Variants in ZNF462 observed in about 807,000 individuals in gnomAD.
The protein encoded by ZNF462 is zinc finger PBX1-interacting protein.
A neutral mutation model predicts 201.9 loss-of-function variants in ZNF462; 10 were observed. The ratio of observed to expected loss-of-function variants is 0.05; its 90% CI spans 0.03 to 0.08. The LOEUF is 0.08. ZNF462 is among the 10% of genes least tolerant of loss of function. The pLI, the probability that ZNF462 is intolerant of heterozygous loss-of-function variation, is 1.00. For missense variants in ZNF462, 2,523 were observed against 3,168.3 expected, an observed-to-expected ratio of 0.80 and a Z score of 4.89; for synonymous variants, 1,227 against 1,193.3, an observed-to-expected ratio of 1.03 and a Z score of -0.58.
At chr9:106,999,459 G>A (rs1220194987) in intron 10 of ZNF462, among the ~76,000 whole-genome samples, 2 of 152,128 alleles carry the variant, frequency 1.3e-5, no homozygotes, top group Admixed American at 1.3e-4. Context: ...TGACAAACAT[G>A]TTTAATAGTG....
Position 106,925,083 on chromosome 9 carries a change from G to A in ZNF462, c.1171G>A (p.Glu391Lys). ...GCTAAATGACTCTAGTTCTGATGAA[G>A]AGTTAAATGAAATAGACAGTGAGAA... ...SMLNDSSSDE[E>K]LNEIDSENGL... is the part of the protein sequence containing the mutation. Residue 391 changes from glutamate (E) to lysine (K), a missense_variant, in exon 3 of 13, where the codon GAG becomes AAG. Glu to Lys is a moderately conservative substitution (Grantham distance 56, BLOSUM62 1). Transcript: ENST00000277225. The surrounding 1 kb of genome is among the most constrained non-coding windows in gnomAD (Gnocchi z 7.9). 6.2e-7 allele frequency: 1 copy of A among 1,614,188 alleles called. No homozygotes were observed. The highest frequency in any genetic ancestry group is 8.5e-7 in the Non-Finnish European group (1 of 1,180,040).
chr9:106,875,181 T>C (rs968209611), intron 1 of ZNF462, among the ~76,000 whole-genome samples: 1 of 152,178 alleles, frequency 6.6e-6, no homozygotes, highest in Non-Finnish European at 1.5e-5. Flanking sequence ...TTGCCCCCTT[T>C]CCATGATCTT....
rs749416698 is a variant in ZNF462 at position 106,927,202 on chromosome 9, G to T, written c.3290G>T (p.Gly1097Val). ...ATGTCTCCCAAAATGTCCAACATGG[G>T]TTCCCCACCCCCCCCACAACCCCCG... is the stretch of plus-strand genomic sequence containing the variant. ...APMSPKMSNM[G>V]SPPPPQPPPP... Residue 1097 changes from glycine to valine, a missense_variant, in exon 3 of 13, where the codon GGT becomes GTT. Physicochemically the swap from Gly to Val is moderately radical, Grantham distance 109. This residue lies in a region of ZNF462 where 280 missense variants were observed against 321.3 expected (regional missense o/e 0.87). Transcript: ENST00000277225. 1.0e-4 allele frequency: 163 copies of T among 1,611,730 alleles called. 2 individuals are homozygous for T. The South Asian group carries it at 1.1e-3, about 11-fold the overall frequency.
At chr9:106,940,603 C>G (rs1327006516) in intron 7 of ZNF462, among the ~76,000 whole-genome samples, 2 of 152,160 alleles carry the variant, frequency 1.3e-5, no homozygotes, top group East Asian at 3.8e-4. Context: ...TAGTGTTCAA[C>G]ACTATAGCTC....
rs562185285 is a variant in ZNF462, at chr9:106,992,754, A to T, written c.7056+8345A>T. On this transcript the variant is annotated intron_variant, in intron 10 of 12. Transcript: ENST00000277225. ...CAGGGATTGATTACAAAGGATATGA[A>T]GGAGCTTCTCAGAGTGATGAGAGTG... Among the ~76,000 whole-genome samples the T allele has an allele frequency of 9.9e-5, 15 of 152,228 alleles. No homozygotes were observed. The South Asian group carries it at 2.7e-3, about 27-fold the overall frequency.
rs1207863552 is a variant in ZNF462 at position 106,962,844 on chromosome 9, CT to C, written c.6428-9160del. 6.6e-6 allele frequency among the ~76,000 whole-genome samples: 1 copy of C among 151,954 alleles called. No individual in the cohort carries two copies. The highest frequency in any genetic ancestry group is 1.5e-5 in the Non-Finnish European group (1 of 67,942). On this transcript the variant is annotated intron_variant, in intron 7 of 12. Coordinates refer to ENST00000277225, the MANE Select transcript of ZNF462 (RefSeq NM_021224.6). The surrounding 1 kb of genome is among the most constrained non-coding windows in gnomAD (Gnocchi z 4.6). ...TAGTCATCCAGCATCCATTGTCCCC[CT>C]GGCCATTGTATCATAATCTTGTGCG... is the stretch of plus-strand genomic sequence containing the variant.
Position 106,968,805 on chromosome 9 carries a change from C to T in ZNF462, c.6428-3200C>T, listed in dbSNP as rs1260853972. Among the ~76,000 whole-genome samples the T allele has an allele frequency of 6.6e-6, 1 of 152,206 alleles. No homozygotes were observed. Among genetic ancestry groups the T allele is most frequent in the Non-Finnish European group, 1.5e-5 (1 of 68,028 alleles). Reference sequence around the variant, plus strand: ...CAAGGATATTTTTAACCTTTCTTTCCTTAAGCTCAAAATGAAAGAAAATAG... The same window carrying T: ...CAAGGATATTTTTAACCTTTCTTTCTTTAAGCTCAAAATGAAAGAAAATAG... On this transcript the variant is annotated intron_variant, in intron 7 of 12. Coordinates refer to ENST00000277225, the MANE Select transcript of ZNF462 (RefSeq NM_021224.6). This position sits in a 1 kb window ranked among gnomAD's most constrained non-coding sequence, Gnocchi z 4.0.
At chr9:106,901,035 C>G (rs992373925) in intron 1 of ZNF462, among the ~76,000 whole-genome samples, 1 of 152,110 alleles carries the variant, frequency 6.6e-6, no homozygotes, top group African/African-American at 2.4e-5. Flanking sequence ...AGATTTAAGT[C>G]TTTAATCCAT....
intron 1 of ZNF462, 51 bp downstream of exon 1, chr9:106,863,406 G>A (rs2130734763): frequency 2.6e-6 from 1 of 389,278 alleles, no homozygotes; most frequent in East Asian, 3.6e-5. Context: ...GTGCTCCGGG[G>A]AAGAGAGCGC....
At position 106,885,018 on chromosome 9, in the gene ZNF462, A is replaced by T. The variant is rs893208309; in HGVS notation, c.-31+21663A>T. 3.9e-5 allele frequency among the ~76,000 whole-genome samples: 6 copies of T among 152,244 alleles called. No homozygotes were observed. Among genetic ancestry groups the T allele is most frequent in the Non-Finnish European group, 5.9e-5 (4 of 68,028 alleles). ...GATAAGAAGTAACTTGGAGAGGTTA[A>T]GATTCTGCTTCAAAGCAATGTATGT... On this transcript the variant is annotated intron_variant, in intron 1 of 12. Transcript: ENST00000277225. The surrounding 1 kb of genome is among the most constrained non-coding windows in gnomAD (Gnocchi z 4.1).
At chr9:106,922,278 C>T (rs928496969) in intron 1 of ZNF462, among the ~76,000 whole-genome samples, 2 of 152,170 alleles carry the variant, frequency 1.3e-5, no homozygotes, top group African/African-American at 4.8e-5. Flanking sequence ...GGTATCTCAA[C>T]TTAGGATATA....
chr9:106,941,792 G>A (rs775360304), intron 7 of ZNF462, among the ~76,000 whole-genome samples: 6 of 152,228 alleles, frequency 3.9e-5, no homozygotes, highest in Non-Finnish European at 8.8e-5. Context: ...TATAGATTTT[G>A]TATAGTTTTG....
intron 9 of ZNF462, among the ~76,000 whole-genome samples, chr9:106,983,395 T>C (rs1448305327): frequency 1.3e-5 from 2 of 152,178 alleles, no homozygotes; most frequent in Non-Finnish European, 2.9e-5. Flanking sequence ...CTGCAGTCAT[T>C]TCATTTGTGA....
At position 106,977,151 on chromosome 9, in the gene ZNF462, C is replaced by T. The variant is rs575478731; in HGVS notation, c.6832+2878C>T. Among the ~76,000 whole-genome samples, 98 of 152,268 alleles carry T rather than the reference C, an allele frequency of 6.4e-4. No homozygotes were observed. The highest frequency in any genetic ancestry group is 2.3e-3 in the African/African-American group (96 of 41,562). On this transcript the variant is annotated intron_variant, in intron 9 of 12. Transcript: ENST00000277225. This position sits in a 1 kb window ranked among gnomAD's most constrained non-coding sequence, Gnocchi z 4.6. Reference sequence around the variant, plus strand: ...CCTGGCTTTGGTGTCCATCTCTACTCAAAATGGCAGCTCAGTAGGAAGCTG... The same window carrying T: ...CCTGGCTTTGGTGTCCATCTCTACTTAAAATGGCAGCTCAGTAGGAAGCTG...
Position 106,925,535 on chromosome 9 carries a change from G to GCCACCGCAGCCACCA in ZNF462, c.1631_1645dup (p.Gln544_Pro548dup). Reference sequence around the variant, plus strand: ...TGTTGGATCCCTTGCAGCAGCAACAGCCACCGCAGCCACCACCACCGCCGC... The same window carrying GCCACCGCAGCCACCA: ...TGTTGGATCCCTTGCAGCAGCAACAGCCACCGCAGCCACCACCACCGCAGCCACCACCACCGCCGC... On this transcript the variant is annotated inframe_insertion, in exon 3 of 13. Transcript: ENST00000277225. The surrounding 1 kb of genome is among the most constrained non-coding windows in gnomAD (Gnocchi z 7.9). The GCCACCGCAGCCACCA allele has an allele frequency of 6.2e-7, 1 of 1,613,188 alleles. No individual in the cohort carries two copies. The highest frequency in any genetic ancestry group is 8.5e-7 in the Non-Finnish European group (1 of 1,179,698).
chr9:106,916,253 C>G (rs1270482089), intron 1 of ZNF462, among the ~76,000 whole-genome samples: 1 of 152,110 alleles, frequency 6.6e-6, no homozygotes, highest in Admixed American at 6.5e-5. Flanking sequence ...GAGGCACGAA[C>G]ACTTTGGGCC....
In ZNF462 at chr9:106,924,538, C is replaced by T. The variant is rs965837826; in HGVS notation, c.626C>T (p.Pro209Leu). The change falls in exon 3 of 13, where the codon CCC (proline) becomes CTC (leucine). Residue 209 changes from proline to leucine, a missense_variant. By Grantham distance (98) the Pro-to-Leu change is moderately conservative. Around this residue, in one of 15 missense-constraint regions of ZNF462, gnomAD observed 480 missense variants for 544.4 expected, o/e 0.88. Transcript: ENST00000277225. This position sits in a 1 kb window ranked among gnomAD's most constrained non-coding sequence, Gnocchi z 6.2. ...PAPMPDPVVPPVSLQDPCKEL... is the reference protein window; with the variant it reads ...PAPMPDPVVPLVSLQDPCKEL... ...CCAATGCCAGACCCTGTGGTTCCGC[C>T]CGTATCACTGCAGGACCCCTGCAAG... The T allele has an allele frequency of 1.2e-6, 2 of 1,614,140 alleles. No individual in the cohort carries two copies. The highest frequency in any genetic ancestry group is 1.6e-4 in the Middle Eastern group (1 of 6,062).
upstream of ZNF462, among the ~76,000 whole-genome samples, chr9:106,861,979 T>C (rs2130719541): frequency 6.6e-6 from 1 of 152,220 alleles, no homozygotes; most frequent in South Asian, 2.1e-4. Flanking sequence ...CAGGCGTTCT[T>C]TTTTTCTTTT....
chr9:106,901,742 A>G (rs1829073331), intron 1 of ZNF462, among the ~76,000 whole-genome samples: 2 of 151,988 alleles, frequency 1.3e-5, no homozygotes, highest in African/African-American at 2.4e-5. Context: ...TGTCCAGAAG[A>G]GCTAATTTGT....
Sources: allele counts gnomAD v4.1 joint callset (sites outside exome capture counted in the v4.1 genomes callset), GRCh38; gene constraint gnomAD v4.1.1; regional missense constraint gnomAD v4.1.1; non-coding constraint Gnocchi (gnomAD v3.1); transcripts MANE v1.5; gene names NCBI Gene and HGNC (gene_info 2026-07-23, HGNC 2026-07-21).